Variants in VPS13B observed in about 807,000 individuals in gnomAD.
VPS13B encodes the protein vacuolar protein sorting 13 homolog B.
In VPS13B, 285 loss-of-function variants were observed where a neutral mutation model predicts 426.4. The ratio of observed to expected loss-of-function variants is 0.67; its 90% confidence interval spans 0.61 to 0.74. The LOEUF (loss-of-function observed/expected upper bound fraction) is 0.74. Among genes scored for constraint, VPS13B ranks in the 30% least tolerant of loss-of-function variants. The pLI is 0.00. For synonymous variants in VPS13B, 1,676 were observed against 1,676.4 expected, an observed-to-expected ratio of 1.00 and a Z score of 0.01; for missense variants, 4,537 against 4,782.6, an observed-to-expected ratio of 0.95 and a Z score of 1.51.
chr8:99,267,113 A>T (rs1271801704), intron 17 of VPS13B, among the ~76,000 whole-genome samples: 1 of 152,238 alleles, frequency 6.6e-6, no homozygotes, highest in Non-Finnish European at 1.5e-5. Flanking sequence ...GGACAGGAAG[A>T]TCTGGGAAAG....
At chr8:99,750,983 G>A (rs1391255056) in intron 39 of VPS13B, among the ~76,000 whole-genome samples, 5 of 152,046 alleles carry the variant, frequency 3.3e-5, no homozygotes, top group Admixed American at 3.3e-4. Context: ...CAGAGAGTTA[G>A]GGGCCAGAAT....
intron 17 of VPS13B, among the ~76,000 whole-genome samples, chr8:99,212,738 T>TA (rs1815163826): frequency 6.6e-6 from 1 of 152,194 alleles, no homozygotes; most frequent in African/African-American, 2.4e-5. Context: ...TTTGTCAGGA[T>TA]AAAACCCAAA....
In VPS13B at chr8:99,192,570, A is replaced by C. The variant is rs79402019; in HGVS notation, c.2334-306A>C. Among the ~76,000 whole-genome samples, 471 of 152,318 alleles carry C rather than the reference A, an allele frequency of 3.1e-3. 21 individuals are homozygous for C. The East Asian group carries it at 0.076, about 24-fold the overall frequency. Reference sequence around the variant, plus strand: ...TAGTAAATCCTTTCTAAGTGTTAAGAAGCACTATTTTTATTTTTACTCAGG... The same window carrying C: ...TAGTAAATCCTTTCTAAGTGTTAAGCAGCACTATTTTTATTTTTACTCAGG... On this transcript the variant is annotated intron_variant, in intron 16 of 61. Coordinates refer to ENST00000357162, the MANE Select transcript of VPS13B (RefSeq NM_152564.5).
At chr8:99,506,542 A>C (rs1389743355) in intron 27 of VPS13B, among the ~76,000 whole-genome samples, 1 of 152,208 alleles carries the variant, frequency 6.6e-6, no homozygotes, top group Non-Finnish European at 1.5e-5. Context: ...TGCTATGCTA[A>C]ATGAGTACTG....
At chr8:99,150,536 A>G (rs1190613941) in intron 14 of VPS13B, among the ~76,000 whole-genome samples, 1 of 152,302 alleles carries the variant, frequency 6.6e-6, no homozygotes, top group South Asian at 2.1e-4. Context: ...TGCTCTGCCT[A>G]TTCATCCCTT....
Position 99,083,460 on chromosome 8 carries a change from C to A in VPS13B, c.292-12852C>A, listed in dbSNP as rs1375510501. Among the ~76,000 whole-genome samples the A allele has an allele frequency of 8.9e-4, 134 of 150,940 alleles. 1 individual carries two copies. Among genetic ancestry groups the A allele is most frequent in the Non-Finnish European group, 1.5e-3 (99 of 67,688 alleles). On this transcript the variant is annotated intron_variant, in intron 3 of 61. Transcript: ENST00000357162. ...GAATACCCTTTATTTCCTTCTCCTG[C>A]CTGATTGCCCTGGCCAGAACTTCCA...
chr8:99,699,343 T>C (rs1468270232), intron 35 of VPS13B, among the ~76,000 whole-genome samples, 182 bp from the exon 36 acceptor site: 2 of 152,038 alleles, frequency 1.3e-5, no homozygotes, highest in Non-Finnish European at 2.9e-5. Context: ...AGAGTGCTCC[T>C]TCAAGTAACA....
chr8:99,274,375 G>A (rs1339570013), intron 18 of VPS13B, 43 bp downstream of exon 18: 15 of 1,613,674 alleles, frequency 9.3e-6, no homozygotes, highest in Admixed American at 8.3e-5. Flanking sequence ...GCCTGTATAG[G>A]AGAATTGGCC....
chr8:99,301,338 G>C (rs1820354319), intron 19 of VPS13B, among the ~76,000 whole-genome samples: 1 of 149,884 alleles, frequency 6.7e-6, no homozygotes, highest in Non-Finnish European at 1.5e-5. Flanking sequence ...TTGTTGCGTA[G>C]GCTACAGTTT....
At chr8:99,859,508 G>T in intron 57 of VPS13B, 28 bp downstream of exon 57, 1 of 1,607,738 alleles carries the variant, frequency 6.2e-7, no homozygotes. Flanking sequence ...TTGTAATAAT[G>T]CCTTCACTCC....
chr8:99,362,077 G>A lies in VPS13B; in HGVS notation c.2825-22131G>A, dbSNP rs987626319. Among the ~76,000 whole-genome samples the A allele has an allele frequency of 4.0e-5, 6 of 148,774 alleles. No homozygotes were observed. In the East Asian group the frequency reaches 1.2e-3, roughly 29 times the overall value. On this transcript the variant is annotated intron_variant, in intron 19 of 61. Coordinates refer to ENST00000357162, the MANE Select transcript of VPS13B (RefSeq NM_152564.5). ...AACTTTGACCATGACTAGGACATTC[G>A]TTTACTTTGTTGTTTTTACTAAATA...
intron 21 of VPS13B, among the ~76,000 whole-genome samples, chr8:99,410,854 G>C (rs947059136): frequency 6.6e-6 from 1 of 152,008 alleles, no homozygotes; most frequent in African/African-American, 2.4e-5. Flanking sequence ...GAGAATGATG[G>C]TTTCCAGCTT....
chr8:99,077,049 T>G (rs1286642449), intron 3 of VPS13B, among the ~76,000 whole-genome samples: 4 of 152,198 alleles, frequency 2.6e-5, no homozygotes, highest in Non-Finnish European at 5.9e-5. Flanking sequence ...TTTCATGTGT[T>G]TTCATGATGG....
At chr8:99,819,222 G>A (rs920851604) in intron 47 of VPS13B, among the ~76,000 whole-genome samples, 190 bp from the exon 48 acceptor site, 11 of 152,100 alleles carry the variant, frequency 7.2e-5, no homozygotes, top group African/African-American at 2.4e-4. Context: ...TCAACACCCA[G>A]GAATTGAGGG....
intron 19 of VPS13B, among the ~76,000 whole-genome samples, chr8:99,275,630 A>AT (rs1317595869): frequency 6.6e-6 from 1 of 152,074 alleles, no homozygotes; most frequent in East Asian, 1.9e-4. Context: ...ACCTTCTGTA[A>AT]TTTTTTAGGA....
intron 4 of VPS13B, among the ~76,000 whole-genome samples, chr8:99,101,051 A>G (rs1846711133): frequency 6.6e-6 from 1 of 152,188 alleles, no homozygotes; most frequent in Non-Finnish European, 1.5e-5. Context: ...TCAAAAAAAA[A>G]AAAAGTTCCC....
chr8:99,023,771 A>T (rs1308475517), intron 2 of VPS13B, among the ~76,000 whole-genome samples: 1 of 152,018 alleles, frequency 6.6e-6, no homozygotes, highest in Non-Finnish European at 1.5e-5. Flanking sequence ...GAGCCACTGC[A>T]CCCAGCTTAT....
At chr8:99,061,998 A>G (rs534057364) in intron 3 of VPS13B, among the ~76,000 whole-genome samples, 6 of 152,332 alleles carry the variant, frequency 3.9e-5, no homozygotes, top group Admixed American at 2.0e-4. Flanking sequence ...AAAGGTGCCT[A>G]TGATGTTTCA....
intron 23 of VPS13B, among the ~76,000 whole-genome samples, chr8:99,463,143 G>A (rs987341691): frequency 6.6e-6 from 1 of 152,138 alleles, no homozygotes; most frequent in Non-Finnish European, 1.5e-5. Flanking sequence ...CAAAACTATA[G>A]GGTAACTACT....
Sources: gnomAD v4.1 joint callset for allele counts (sites outside exome capture counted in the v4.1 genomes callset) on GRCh38, gnomAD v4.1.1 for gene constraint, MANE v1.5 for transcripts, NCBI Gene and HGNC (gene_info 2026-07-23, HGNC 2026-07-21) for gene names.